The following MTUS2 variants were observed in gnomAD, a reference collection of about 807,000 sequenced individuals.
MTUS2 encodes microtubule-associated tumor suppressor candidate 2.
Under a neutral mutation model 114.1 loss-of-function variants are expected in MTUS2, and 40 were observed. The observed-to-expected ratio is 0.35, with a 90% CI of 0.27 to 0.46. MTUS2 has a LOEUF of 0.46. MTUS2 is among the 20% of genes least tolerant of loss of function. The pLI is 1.00. For missense variants in MTUS2, 1,679 were observed against 1,705.4 expected (o/e 0.98, Z 0.27); for synonymous variants, 688 against 672.0 (o/e 1.02, Z -0.37).
intron 6 of MTUS2, among the ~76,000 whole-genome samples, chr13:29,288,519 C>T (rs1898580873): frequency 1.3e-5 from 2 of 151,978 alleles, no homozygotes; most frequent in Admixed American, 1.3e-4. Flanking sequence ...GTGACACTTG[C>T]CTCTGTGTAT....
chr13:29,391,163 C>T (rs566423995), intron 8 of MTUS2, among the ~76,000 whole-genome samples: 1 of 152,182 alleles, frequency 6.6e-6, no homozygotes, highest in East Asian at 1.9e-4. Flanking sequence ...GATCCTGGCT[C>T]ACTGCAACTT....
intron 1 of MTUS2, among the ~76,000 whole-genome samples, chr13:28,831,799 CAGGCTGGAGTGCAGTG>C (rs1235060004): frequency 4.0e-5 from 6 of 151,440 alleles, no homozygotes; most frequent in Admixed American, 3.9e-4. Context: ...CTCTGCTGCT[CAGGCTGGAGTGCAGTG>C]GTGCCATCTT....
chr13:29,191,352 G>A (rs1327072739), intron 5 of MTUS2, among the ~76,000 whole-genome samples: 1 of 152,024 alleles, frequency 6.6e-6, no homozygotes. Context: ...AACTGATACA[G>A]GAGGAGAATT....
intron 2 of MTUS2, among the ~76,000 whole-genome samples, chr13:28,877,145 A>AAC (rs993795374): frequency 1.3e-5 from 2 of 148,992 alleles, no homozygotes; most frequent in African/African-American, 5.0e-5. Flanking sequence ...AAAAAAAAAA[A>AAC]CAACAAAAAA....
At position 29,290,910 on chromosome 13, in the gene MTUS2, C is replaced by T. The variant is rs138462405; in HGVS notation, c.2806+9045C>T. 5.3e-3 allele frequency among the ~76,000 whole-genome samples: 806 copies of T among 152,222 alleles called. 6 individuals carry two copies. Among genetic ancestry groups the T allele is most frequent in the African/African-American group, 0.018 (767 of 41,540 alleles). On this transcript the variant is annotated intron_variant, in intron 6 of 15. Transcript: ENST00000612955. ...AAGCAGGCTCTCAACAAATAGCTGC[C>T]GAATAAATGAAAGTTGCAATTCCCC...
intron 12 of MTUS2, among the ~76,000 whole-genome samples, chr13:29,493,820 C>T (rs1386472893): frequency 2.0e-5 from 3 of 152,212 alleles, no homozygotes; most frequent in Non-Finnish European, 2.9e-5. Flanking sequence ...CATCCAATCC[C>T]AAACCCAAAG....
At chr13:29,252,872 C>A (rs550949441) in intron 5 of MTUS2, among the ~76,000 whole-genome samples, 16 of 152,186 alleles carry the variant, frequency 1.1e-4, no homozygotes, top group African/African-American at 3.9e-4. Flanking sequence ...GATTGTGAGG[C>A]CTCCCCAGCC....
intron 5 of MTUS2, among the ~76,000 whole-genome samples, chr13:29,191,282 A>C (rs1250423374): frequency 6.6e-6 from 1 of 152,084 alleles, no homozygotes; most frequent in Non-Finnish European, 1.5e-5. Context: ...ACATTCCATC[A>C]CTGGCACTAG....
intron 5 of MTUS2, among the ~76,000 whole-genome samples, chr13:29,128,749 C>T (rs1476439882): frequency 1.3e-5 from 2 of 152,022 alleles, no homozygotes; most frequent in Non-Finnish European, 2.9e-5. Context: ...TTAATTCAAA[C>T]ATAAAAAAAA....
intron 2 of MTUS2, among the ~76,000 whole-genome samples, chr13:28,989,449 C>T (rs1593359917): frequency 6.6e-6 from 1 of 152,132 alleles, no homozygotes; most frequent in East Asian, 1.9e-4. Context: ...TAACAAAGTC[C>T]CTTGCCAGCT....
At chr13:29,344,440 C>T (rs1281820493) in intron 7 of MTUS2, among the ~76,000 whole-genome samples, 11 of 152,002 alleles carry the variant, frequency 7.2e-5, no homozygotes, top group African/African-American at 2.7e-4. Context: ...GCTTTAAAGT[C>T]TGTTTTGTCT....
intron 2 of MTUS2, among the ~76,000 whole-genome samples, chr13:28,887,898 G>T (rs1400159404): frequency 8.5e-5 from 13 of 152,110 alleles, no homozygotes; most frequent in Non-Finnish European, 1.2e-4. Context: ...AGTCCCAAAG[G>T]CATGGTTAAC....
rs369818809 is a variant in MTUS2 at position 29,032,756 on chromosome 13, A to T, written c.2206-1129A>T. Among the ~76,000 whole-genome samples the T allele has an allele frequency of 5.9e-5, 9 of 152,318 alleles. No individual in the cohort carries two copies. In the East Asian group the frequency reaches 1.2e-3, roughly 20 times the overall value. On this transcript the variant is annotated intron_variant, in intron 3 of 15. Coordinates refer to ENST00000612955, the MANE Select transcript of MTUS2 (RefSeq NM_001033602.4). ...AGGGTTTATCTCTTCAACAGCTTGG[A>T]TCAAAGCTTTTATAGCCCCCATTAA...
chr13:29,251,107 A>C (rs2139430346), intron 5 of MTUS2, among the ~76,000 whole-genome samples: 1 of 152,198 alleles, frequency 6.6e-6, no homozygotes, highest in East Asian at 1.9e-4. Flanking sequence ...TATAATATAA[A>C]GTTGTGATTG....
intron 7 of MTUS2, among the ~76,000 whole-genome samples, chr13:29,350,269 A>T (rs1203557277): frequency 1.3e-5 from 2 of 151,488 alleles, no homozygotes. Context: ...TCTTGGCTGG[A>T]GGCTCGGGAG....
chr13:29,033,662 A>G (rs1473487444), intron 3 of MTUS2, among the ~76,000 whole-genome samples: 1 of 152,186 alleles, frequency 6.6e-6, no homozygotes, highest in Non-Finnish European at 1.5e-5. Flanking sequence ...CCAGTGAACT[A>G]TAGATTCTAG....
chr13:28,969,457 A>G (rs192123218), intron 2 of MTUS2, among the ~76,000 whole-genome samples: 7 of 152,174 alleles, frequency 4.6e-5, no homozygotes, highest in African/African-American at 1.2e-4. Flanking sequence ...ATATATTATT[A>G]TGATGATTAT....
intron 6 of MTUS2, among the ~76,000 whole-genome samples, chr13:29,315,643 G>T (rs1344871550): frequency 6.6e-6 from 1 of 152,118 alleles, no homozygotes; most frequent in Non-Finnish European, 1.5e-5. Flanking sequence ...TTGAGCTAGG[G>T]TTGGGTTCTG....
intron 7 of MTUS2, among the ~76,000 whole-genome samples, chr13:29,346,661 C>G (rs1868726851): frequency 7.4e-6 from 1 of 134,694 alleles, no homozygotes; most frequent in Admixed American, 7.5e-5. Context: ...GTCTGTACTC[C>G]CAGATCACCT....
Sources: allele counts gnomAD v4.1 joint callset (sites outside exome capture counted in the v4.1 genomes callset), GRCh38; gene constraint gnomAD v4.1.1; transcripts MANE v1.5; gene names NCBI Gene and HGNC (gene_info 2026-07-23, HGNC 2026-07-21).